The following ATL3 variants were observed in gnomAD, a reference collection of about 807,000 sequenced individuals.
ATL3 encodes atlastin-3.
ATL3 carries 49 observed loss-of-function variants against 69.5 expected under a neutral mutation model. The observed-to-expected ratio is 0.71, with a 90% confidence interval of 0.56 to 0.89. The LOEUF (loss-of-function observed/expected upper bound fraction) is 0.89, where lower values mean the gene tolerates loss of function less well. Ranked by LOEUF, ATL3 falls within the 40% of genes least tolerant of loss-of-function variation. ATL3 has a pLI of 0.00. For synonymous variants in ATL3, 214 were observed against 224.1 expected (o/e 0.95, Z 0.40); for missense variants, 606 against 645.7 (o/e 0.94, Z 0.67).
At chr11:63,648,796 G>A (rs1279089127) in intron 5 of ATL3, among the ~76,000 whole-genome samples, 1 of 151,578 alleles carries the variant, frequency 6.6e-6, no homozygotes, top group Non-Finnish European at 1.5e-5. Flanking sequence ...GCAGCAGAGT[G>A]AGACTCTGTC....
rs2134524334 is a variant in ATL3, at chr11:63,659,201, T to C, written c.98A>G (p.Gln33Arg). The part of the protein sequence containing the change: ...KPGPVQVVLV[Q>R]KDQHSFELDE... ...TAGCTCAAAGGAATGTTGATCTTTCTGAACCAAAACAACCTGCACTGGACC... is the reference window on the plus strand; with the variant it reads ...TAGCTCAAAGGAATGTTGATCTTTCCGAACCAAAACAACCTGCACTGGACC... Residue 33 changes from glutamine to arginine, a missense_variant, in exon 2 of 13, where the codon CAG (glutamine) becomes CGG (arginine). By Grantham distance (43) the Gln-to-Arg change is conservative (BLOSUM62 1). Transcript: ENST00000398868. 6.2e-7 allele frequency: 1 copy of C among 1,614,198 alleles called. No individual in the cohort carries two copies. Among genetic ancestry groups the C allele is most frequent in the Non-Finnish European group, 8.5e-7 (1 of 1,180,038 alleles).
chr11:63,659,281 T>A lies in ATL3; in HGVS notation c.47-29A>T, dbSNP rs116356353. 1,217 of 1,589,294 alleles carry A rather than the reference T, an allele frequency of 7.7e-4. 10 individuals are homozygous for A. The African/African-American group carries it at 0.015, about 20-fold the overall frequency. ...TGTTCATGCAGAGAAAAAAAATCAGTGTCAAATATTTAAAATATGTTTTTG... is the reference window on the plus strand; with the variant it reads ...TGTTCATGCAGAGAAAAAAAATCAGAGTCAAATATTTAAAATATGTTTTTG... On this transcript the variant is annotated intron_variant, in intron 1 of 12. Transcript: ENST00000398868.
chr11:63,671,450 A>G (rs1940778744), upstream of ATL3: 5 of 1,487,774 alleles, frequency 3.4e-6, no homozygotes, highest in Non-Finnish European at 4.4e-6. Context: ...GCTCTAGAAA[A>G]AACTAGCCAG....
chr11:63,663,484 A>G (rs1478737237), intron 1 of ATL3, among the ~76,000 whole-genome samples: 1 of 152,184 alleles, frequency 6.6e-6, no homozygotes, highest in African/African-American at 2.4e-5. Flanking sequence ...ACAAGTTATA[A>G]ATATAGGTTA....
chr11:63,643,879 T>G (rs1196795008), intron 7 of ATL3, among the ~76,000 whole-genome samples: 1 of 152,112 alleles, frequency 6.6e-6, no homozygotes, highest in Non-Finnish European at 1.5e-5. Flanking sequence ...TAACTAAAAT[T>G]CTGAGTATGA....
intron 5 of ATL3, among the ~76,000 whole-genome samples, chr11:63,649,779 C>G (rs190719547): frequency 6.8e-4 from 103 of 152,108 alleles, no homozygotes; most frequent in Non-Finnish European, 1.2e-3. Flanking sequence ...CTCAGGTGAT[C>G]AGCCTGCCTC....
chr11:63,647,499 GT>G lies in ATL3; in HGVS notation c.562-937del, dbSNP rs540480739. ...TGAGCCACCACACCCAGTCTTAAAA[GT>G]TTTTTTCTTAACATTTATCATTATC... On this transcript the variant is annotated intron_variant, in intron 5 of 12. Coordinates refer to ENST00000398868, the MANE Select transcript of ATL3 (RefSeq NM_015459.5). Among the ~76,000 whole-genome samples the G allele has an allele frequency of 1.1e-4, 16 of 152,218 alleles. No individual in the cohort carries two copies. The East Asian group carries it at 3.1e-3, about 29-fold the overall frequency.
chr11:63,665,610 A>G (rs539476199), intron 1 of ATL3, among the ~76,000 whole-genome samples: 1 of 152,164 alleles, frequency 6.6e-6, no homozygotes, highest in Non-Finnish European at 1.5e-5. Context: ...CTTGTTGGCC[A>G]GGCATGGGAG....
intron 6 of ATL3, among the ~76,000 whole-genome samples, chr11:63,645,467 T>C (rs541634200): frequency 2.0e-5 from 3 of 152,226 alleles, no homozygotes; most frequent in Admixed American, 6.5e-5. Context: ...TCTAATCCCA[T>C]TGACTGAGGC....
intron 5 of ATL3, among the ~76,000 whole-genome samples, chr11:63,651,075 G>A (rs1297832629): frequency 6.6e-6 from 1 of 152,118 alleles, no homozygotes; most frequent in African/African-American, 2.4e-5. Context: ...TAGCATTAGA[G>A]TAACATACCA....
At chr11:63,656,182 C>T (rs1940240543) in intron 3 of ATL3, among the ~76,000 whole-genome samples, 2 of 151,296 alleles carry the variant, frequency 1.3e-5, no homozygotes, top group Admixed American at 6.6e-5. Flanking sequence ...CGAGATCACG[C>T]CACTGCACTC....
chr11:63,657,987 G>A (rs1436091594), intron 3 of ATL3, among the ~76,000 whole-genome samples: 2 of 151,726 alleles, frequency 1.3e-5, no homozygotes, highest in African/African-American at 4.8e-5. Flanking sequence ...CTCCCAAGTA[G>A]CTGGGATTAC....
At chr11:63,640,052 C>T (rs150988626) in intron 8 of ATL3, among the ~76,000 whole-genome samples, 60 of 152,132 alleles carry the variant, frequency 3.9e-4, no homozygotes, top group African/African-American at 1.3e-3. Context: ...CCTCAGTCAC[C>T]CAAGTAGCTG....
In ATL3 at chr11:63,636,298, A is replaced by C; in HGVS notation, c.887T>G (p.Leu296Arg). 6.2e-7 allele frequency: 1 copy of C among 1,614,178 alleles called. No homozygotes were observed. Among genetic ancestry groups the C allele is most frequent in the Non-Finnish European group, 8.5e-7 (1 of 1,180,040 alleles). ...AGEFKEQLQA[L>R]IPYVLNPSKL... ...AGATGGGTTTAATACATACGGTATC[A>C]GTGCCTGTAACTGCTCTTTGAATTC... The change falls in exon 9 of 13, where the codon CTG becomes CGG. Residue 296 changes from leucine (L) to arginine (R), a missense_variant. Coordinates refer to ENST00000398868, the MANE Select transcript of ATL3 (RefSeq NM_015459.5).
chr11:63,659,873 G>A (rs970554349), intron 1 of ATL3, among the ~76,000 whole-genome samples: 4 of 152,068 alleles, frequency 2.6e-5, no homozygotes, highest in African/African-American at 7.2e-5. Context: ...GGAGGCAGAG[G>A]TTGCAGTGAG....
At chr11:63,648,144 G>T (rs961231953) in intron 5 of ATL3, among the ~76,000 whole-genome samples, 10 of 152,068 alleles carry the variant, frequency 6.6e-5, no homozygotes, top group Admixed American at 4.6e-4. Flanking sequence ...AAAAAATCTA[G>T]ACTTAGATAC....
At chr11:63,654,689 T>C (rs1198841697) in intron 3 of ATL3, among the ~76,000 whole-genome samples, 2 of 149,606 alleles carry the variant, frequency 1.3e-5, no homozygotes, top group East Asian at 3.9e-4. Context: ...TAAGCCACCA[T>C]GTCTGGCCTA....
At position 63,659,247 on chromosome 11, in the gene ATL3, C is replaced by T. The variant is rs1462315252; in HGVS notation, c.52G>A (p.Ala18Thr). ...AAAASRGADDAMESSKPGPVQ... is the reference protein window; with the variant it reads ...AAAASRGADDTMESSKPGPVQ... ...GGACCAGGCTTGCTGCTCTCCATGGCATCATCTATGTTCATGCAGAGAAAA... is the reference window on the plus strand; with the variant it reads ...GGACCAGGCTTGCTGCTCTCCATGGTATCATCTATGTTCATGCAGAGAAAA... Residue 18 changes from alanine (A) to threonine (T), a missense_variant, in exon 2 of 13, where the codon GCC (alanine) becomes ACC (threonine). Ala to Thr is a moderately conservative substitution (Grantham distance 58, BLOSUM62 0). Transcript: ENST00000398868. 6.2e-7 allele frequency: 1 copy of T among 1,613,750 alleles called. No homozygotes were observed. Among genetic ancestry groups the T allele is most frequent in the South Asian group, 1.1e-5 (1 of 91,072 alleles).
At chr11:63,651,837 A>G in intron 5 of ATL3, 99 bp downstream of exon 5, 1 of 1,455,942 alleles carries the variant, frequency 6.9e-7, no homozygotes, top group Non-Finnish European at 9.1e-7. Flanking sequence ...CTTCCTCTAC[A>G]TTTCAATCTT....
Sources: gnomAD v4.1 joint callset for allele counts (sites outside exome capture counted in the v4.1 genomes callset) on GRCh38, gnomAD v4.1.1 for gene constraint, MANE v1.5 for transcripts, NCBI Gene and HGNC (gene_info 2026-07-23, HGNC 2026-07-21) for gene names.